The following SAGE1 variants were observed in gnomAD, a reference collection of about 807,000 sequenced individuals.
SAGE1 encodes the protein cancer/testis antigen 14.
In SAGE1, 55 loss-of-function variants were observed where a neutral mutation model predicts 55.4. That is an observed-to-expected ratio of 0.99 (90% CI 0.80 to 1.24). The LOEUF is 1.24. SAGE1 is among the 50% of genes most tolerant of loss of function. SAGE1 has a pLI of 0.00. For missense variants in SAGE1, 710 were observed against 704.4 expected (o/e 1.01, Z -0.09); for synonymous variants, 240 against 244.3 (o/e 0.98, Z 0.17).
intron 1 of SAGE1, 90 bp from the exon 2 acceptor site, chrX:135,896,153 T>G (rs2088580689): frequency 3.2e-6 from 2 of 622,807 alleles, no homozygotes; most frequent in East Asian, 6.5e-5. Context: ...ATTTCAGCTG[T>G]ATAGCGCCAA....
intron 2 of SAGE1, among the ~76,000 whole-genome samples, chrX:135,897,842 A>G (rs782041202): frequency 2.1e-4 from 23 of 108,498 alleles, no homozygotes; most frequent in African/African-American, 7.0e-4. Context: ...TCCTCCCCCA[A>G]CAGGCCCAGT....
chrX:135,909,691 A>T lies in SAGE1; in HGVS notation c.1635A>T (p.Pro545=). 1 of 1,205,775 alleles carries T rather than the reference A, an allele frequency of 8.3e-7. No individual in the cohort carries two copies. Among genetic ancestry groups the T allele is most frequent in the Non-Finnish European group, 1.1e-6 (1 of 891,267 alleles). The change falls in exon 14 of 20, where the codon CCA becomes CCT. Residue 545 remains proline, a synonymous_variant. Coordinates refer to ENST00000370709, the MANE Select transcript of SAGE1 (RefSeq NM_001381902.1). ...VHEERMENNQ[P]QPSYDLSTVL... ...AAGAGAGGATGGAAAATAACCAACCACAACCTAGTTATGACTTGTCAACTG... is the reference window on the plus strand; with the variant it reads ...AAGAGAGGATGGAAAATAACCAACCTCAACCTAGTTATGACTTGTCAACTG...
At position 135,907,050 on chromosome X, in the gene SAGE1, C is replaced by T. The variant is rs868917503; in HGVS notation, c.861C>T (p.Ile287=). ...TGGCAGGAGCTGGTACTCCAGCCAT[C>T]AGCACCAATGGCCTGTGTATGTTTG... ...INVAGAGTPA[I]STNGLYSTVP... The change falls in exon 8 of 20, where the codon ATC becomes ATT. Residue 287 remains isoleucine (I), a synonymous_variant. Transcript: ENST00000370709. The T allele has an allele frequency of 1.7e-6, 2 of 1,208,738 alleles. No homozygotes were observed. Among genetic ancestry groups the T allele is most frequent in the Middle Eastern group, 4.6e-4 (2 of 4,340 alleles).
At chrX:135,906,770 C>T (rs1283595977) in intron 7 of SAGE1, among the ~76,000 whole-genome samples, 156 bp from the exon 8 acceptor site, 1 of 111,440 alleles carries the variant, frequency 9.0e-6, no homozygotes. Flanking sequence ...GTTGTATTGT[C>T]TTTCCTGGCC....
In SAGE1 at chrX:135,912,943, G is replaced by A. The variant is rs782075126; in HGVS notation, c.*46G>A. The A allele has an allele frequency of 1.1e-6, 1 of 873,871 alleles. No homozygotes were observed. The highest frequency in any genetic ancestry group is 1.7e-6 in the Non-Finnish European group (1 of 601,849). 72.0% of individuals were successfully genotyped at this position (873,871 alleles called of 1,213,427 possible). ...AGGAGAAACAAGGACATATGCTGTA[G>A]GATGGAACAGGTTATTGCTGAAGCT... On this transcript the variant is annotated 3_prime_UTR_variant, in exon 20 of 20. Coordinates refer to ENST00000370709, the MANE Select transcript of SAGE1 (RefSeq NM_001381902.1).
At chrX:135,907,632 G>A in intron 9 of SAGE1, 69 bp from the exon 10 acceptor site, 1 of 1,118,675 alleles carries the variant, frequency 8.9e-7, no homozygotes, top group Non-Finnish European at 1.2e-6. Flanking sequence ...CTGAGCATCA[G>A]AGGGATATAC....
intron 2 of SAGE1, among the ~76,000 whole-genome samples, chrX:135,898,220 C>T (rs1444409946): frequency 3.6e-5 from 4 of 110,394 alleles, no homozygotes; most frequent in Admixed American, 1.9e-4. Flanking sequence ...GGGGTTTCAC[C>T]GTGTTAGCCA....
In SAGE1 at chrX:135,906,309, C is replaced by T. The variant is rs370982420; in HGVS notation, c.596-102C>T. The T allele has an allele frequency of 1.2e-5, 13 of 1,091,845 alleles. No homozygotes were observed. In the East Asian group the frequency reaches 1.5e-4, roughly 13 times the overall value. 90.0% of individuals were successfully genotyped at this position (1,091,845 alleles called of 1,213,427 possible). A position where few individuals can be genotyped will look rare whatever the true frequency, so the allele number is the denominator to read the frequency against. ...CATCACCACCTGATATATCCTACTG[C>T]TTTATGAAATAATTTCATAGAAACT... On this transcript the variant is annotated intron_variant, in intron 6 of 19. Transcript: ENST00000370709.
chrX:135,907,520 A>G, intron 9 of SAGE1, 67 bp downstream of exon 9: 1 of 1,066,730 alleles, frequency 9.4e-7, no homozygotes, highest in Middle Eastern at 2.7e-4. Flanking sequence ...TCATAAAGGG[A>G]AGGAGGTTGT....
At position 135,905,313 on chromosome X, in the gene SAGE1, C is replaced by A; in HGVS notation, c.375C>A (p.Asp125Glu). 8.3e-7 allele frequency: 1 copy of A among 1,205,204 alleles called. No homozygotes were observed. Among genetic ancestry groups the A allele is most frequent in the Non-Finnish European group, 1.1e-6 (1 of 891,025 alleles). The change falls in exon 5 of 20, where the codon GAC (aspartate) becomes GAA (glutamate). Residue 125 changes from aspartate (D) to glutamate (E), a missense_variant. Asp to Glu is a conservative substitution (Grantham distance 45). Transcript: ENST00000370709. ...ERMENGQSRT[D>E]KVLSTAPPQL... is the part of the protein sequence containing the mutation. ...TGGAAAATGGCCAATCTCGAACTGACAAAGTCTTGTCAACTGCTCCACCAC... is the reference window on the plus strand; with the variant it reads ...TGGAAAATGGCCAATCTCGAACTGAAAAAGTCTTGTCAACTGCTCCACCAC...
chrX:135,912,595 G>A (rs1241277553), intron 19 of SAGE1, 181 bp downstream of exon 19: 10 of 751,991 alleles, frequency 1.3e-5, no homozygotes, highest in Non-Finnish European at 1.6e-5. Context: ...ATACCATGGA[G>A]GCTTCCAAAT....
At chrX:135,905,030 T>G (rs782424833) in intron 4 of SAGE1, among the ~76,000 whole-genome samples, 1 of 111,628 alleles carries the variant, frequency 9.0e-6, no homozygotes, top group Admixed American at 9.5e-5. Flanking sequence ...AGTTGTAGTG[T>G]CCTCCTTGGT....
intron 2 of SAGE1, among the ~76,000 whole-genome samples, chrX:135,898,065 T>C (rs2088613717): frequency 8.9e-6 from 1 of 112,186 alleles, no homozygotes; most frequent in African/African-American, 3.2e-5. Context: ...TCGCCCAGGC[T>C]GGAGTGCAGT....
chrX:135,905,149 C>A, intron 4 of SAGE1, 103 bp from the exon 5 acceptor site: 1 of 771,422 alleles, frequency 1.3e-6, no homozygotes, highest in Non-Finnish European at 1.9e-6. Flanking sequence ...TATTCTCCTG[C>A]ATTAGGGGAT....
At chrX:135,912,498 C>T in intron 19 of SAGE1, 84 bp downstream of exon 19, 1 of 1,177,376 alleles carries the variant, frequency 8.5e-7, no homozygotes, top group South Asian at 1.9e-5. Flanking sequence ...ATGGTTTGTT[C>T]CTCCTAATCC....
intron 17 of SAGE1, 88 bp from the exon 18 acceptor site, chrX:135,911,491 T>G: frequency 1.1e-6 from 1 of 888,001 alleles, no homozygotes; most frequent in East Asian, 3.1e-5. Context: ...ATGAGATAAC[T>G]CCCTAGAAAC....
In SAGE1 at chrX:135,901,698, G is replaced by A. The variant is rs782585051; in HGVS notation, c.220+7G>A. On this transcript the variant is annotated splice_region_variant and intron_variant, in intron 3 of 19. Coordinates refer to ENST00000370709, the MANE Select transcript of SAGE1 (RefSeq NM_001381902.1). ...TGGTTAGACAAACAGGAAGGTGAGG[G>A]GGAATCCAATCTTTGGGCCTCAACC... is the stretch of plus-strand genomic sequence containing the variant. The A allele has an allele frequency of 1.7e-6, 2 of 1,199,131 alleles. No individual in the cohort carries two copies. Among genetic ancestry groups the A allele is most frequent in the Non-Finnish European group, 1.1e-6 (1 of 888,591 alleles).
Position 135,901,479 on chromosome X carries a change from G to T in SAGE1, c.88-80G>T, listed in dbSNP as rs782224619. On this transcript the variant is annotated intron_variant, in intron 2 of 19. Coordinates refer to ENST00000370709, the MANE Select transcript of SAGE1 (RefSeq NM_001381902.1). The stretch of plus-strand genomic sequence containing the variant: ...CTTACATTAATGATATAAATGCATG[G>T]CTGTGTATGCATATGAAGACTGTGA... The T allele has an allele frequency of 1.2e-4, 107 of 925,456 alleles. 1 individual carries two copies. The highest frequency in any genetic ancestry group is 3.2e-5 in the Non-Finnish European group (21 of 661,808). The allele number at this position is 925,456 out of a possible 1,213,427, so 76.3% of individuals were successfully genotyped here. A position where few individuals can be genotyped will look rare whatever the true frequency, so the allele number is the denominator to read the frequency against.
At position 135,911,777 on chromosome X, in the gene SAGE1, A is replaced by G. The variant is rs782659999; in HGVS notation, c.2345A>G (p.Asn782Ser). 5.0e-6 allele frequency: 6 copies of G among 1,211,386 alleles called. No homozygotes were observed. The Admixed American group carries it at 1.3e-4, about 26-fold the overall frequency. ...GAGCTGCTTTACAAACCTGATAGTA[A>G]TGAATTTGCGGTAGGCACCAAAAAC... ...KDELLYKPDS[N>S]EFAVGTKNYS... is the part of the protein sequence containing the mutation. Residue 782 changes from asparagine (N) to serine (S), a missense_variant, in exon 18 of 20, where the codon AAT (asparagine) becomes AGT (serine). Physicochemically the swap from Asn to Ser is conservative, Grantham distance 46 (BLOSUM62 1). Transcript: ENST00000370709.
Sources: gnomAD v4.1 joint callset for allele counts (sites outside exome capture counted in the v4.1 genomes callset) on GRCh38, gnomAD v4.1.1 for gene constraint, MANE v1.5 for transcripts, NCBI Gene and HGNC (gene_info 2026-07-23, HGNC 2026-07-21) for gene names.